GRIN2A: variants seen among roughly 807,000 people sequenced by gnomAD.
GRIN2A encodes the protein glutamate receptor ionotropic, NMDA 2A.
GRIN2A carries 22 observed loss-of-function variants against 113.4 expected under a neutral mutation model. The ratio of observed to expected loss-of-function variants is 0.19; its 90% confidence interval spans 0.14 to 0.28. The LOEUF (loss-of-function observed/expected upper bound fraction) is 0.28. GRIN2A is among the 10% of genes least tolerant of loss of function. GRIN2A has a pLI of 1.00. For missense variants in GRIN2A, 1,502 were observed against 1,887.0 expected (o/e 0.80, Z 3.78); for synonymous variants, 827 against 738.4 (o/e 1.12, Z -1.94).
chr16:10,155,086 C>T (rs756951134), intron 2 of GRIN2A, among the ~76,000 whole-genome samples: 1 of 152,144 alleles, frequency 6.6e-6, no homozygotes, highest in Non-Finnish European at 1.5e-5. Context: ...TACAGCATCT[C>T]TTAAATTTAT....
At chr16:10,104,200 A>T (rs1053084781) in intron 2 of GRIN2A, among the ~76,000 whole-genome samples, 3 of 152,252 alleles carry the variant, frequency 2.0e-5, no homozygotes, top group Non-Finnish European at 4.4e-5. Context: ...TATTCGACGT[A>T]TTCATTCTGT....
intron 2 of GRIN2A, among the ~76,000 whole-genome samples, chr16:10,113,816 G>A (rs1211253068): frequency 1.3e-5 from 2 of 152,134 alleles, no homozygotes; most frequent in Non-Finnish European, 2.9e-5. Context: ...CAGCGTTATT[G>A]AGTTGAAAAT....
intron 4 of GRIN2A, among the ~76,000 whole-genome samples, chr16:9,882,114 T>C (rs1200593047): frequency 6.6e-6 from 1 of 152,172 alleles, no homozygotes; most frequent in East Asian, 1.9e-4. Flanking sequence ...CTGCATGTTT[T>C]CTTGAGATCT....
chr16:10,141,911 G>C (rs919259590), intron 2 of GRIN2A, among the ~76,000 whole-genome samples: 1 of 152,216 alleles, frequency 6.6e-6, no homozygotes, highest in African/African-American at 2.4e-5. Flanking sequence ...CCAGCTGAGA[G>C]TGCTTTCCAC....
At chr16:9,842,811 C>T (rs1321833031) in intron 5 of GRIN2A, among the ~76,000 whole-genome samples, 1 of 151,986 alleles carries the variant, frequency 6.6e-6, no homozygotes. Context: ...GTGGCATGCA[C>T]CTGTAATCCC....
At chr16:10,091,296 T>G (rs142657698) in intron 2 of GRIN2A, among the ~76,000 whole-genome samples, 296 of 152,208 alleles carry the variant, frequency 1.9e-3, no homozygotes, top group Middle Eastern at 0.01. Flanking sequence ...ATAACCCAAA[T>G]ACCCATGAGC....
intron 2 of GRIN2A, among the ~76,000 whole-genome samples, chr16:10,170,093 A>T (rs1366076): frequency 0.23 from 34,283 of 152,194 alleles, 4,319 homozygotes; most frequent in East Asian, 0.48. Flanking sequence ...GCTGTAGTGA[A>T]TTTGAAAATG....
At chr16:10,075,874 A>G (rs1021110718) in intron 2 of GRIN2A, among the ~76,000 whole-genome samples, 1 of 152,192 alleles carries the variant, frequency 6.6e-6, no homozygotes, top group Non-Finnish European at 1.5e-5. Flanking sequence ...TTAAAAATTA[A>G]AAAATAAAAT....
At chr16:10,086,229 T>G (rs2048083009) in intron 2 of GRIN2A, among the ~76,000 whole-genome samples, 1 of 152,140 alleles carries the variant, frequency 6.6e-6, no homozygotes, top group Admixed American at 6.5e-5. Context: ...TTGTTGGTGG[T>G]CCCTATCCAG....
At chr16:10,072,032 C>T (rs957899572) in intron 2 of GRIN2A, among the ~76,000 whole-genome samples, 3 of 152,214 alleles carry the variant, frequency 2.0e-5, no homozygotes, top group Non-Finnish European at 2.9e-5. Flanking sequence ...AAAGATTCTT[C>T]ACCAGAATGA....
At chr16:9,938,767 G>A (rs905362808) in intron 2 of GRIN2A, among the ~76,000 whole-genome samples, 1 of 152,122 alleles carries the variant, frequency 6.6e-6, no homozygotes, top group African/African-American at 2.4e-5. Flanking sequence ...GTCCTGGAAG[G>A]ATGTCTGTAA....
chr16:9,891,105 A>G lies in GRIN2A; in HGVS notation c.1008-5T>C, dbSNP rs771782442. On this transcript the variant is annotated splice_region_variant and splice_polypyrimidine_tract_variant and intron_variant, in intron 3 of 12. Coordinates refer to ENST00000330684, the MANE Select transcript of GRIN2A (RefSeq NM_001134407.3). Reference sequence around the variant, plus strand: ...CATGTAACATTGACCATAAATCTAGAAAGGGGAAGAGAGAAAGACAAATTT... The same window carrying G: ...CATGTAACATTGACCATAAATCTAGGAAGGGGAAGAGAGAAAGACAAATTT... 4 of 1,570,790 alleles carry G rather than the reference A, an allele frequency of 2.5e-6. No homozygotes were observed. In the East Asian group the frequency reaches 8.9e-5, roughly 35 times the overall value.
At chr16:9,895,611 CA>C (rs978756396) in intron 3 of GRIN2A, among the ~76,000 whole-genome samples, 6 of 152,190 alleles carry the variant, frequency 3.9e-5, no homozygotes, top group Non-Finnish European at 7.3e-5. Context: ...AAGAAAGCAA[CA>C]GGTGGAATGA....
intron 2 of GRIN2A, among the ~76,000 whole-genome samples, chr16:10,014,059 C>T (rs940105190): frequency 3.3e-5 from 5 of 152,180 alleles, no homozygotes; most frequent in Non-Finnish European, 5.9e-5. Context: ...GCCTGTGTCC[C>T]CGTCTAGATT....
At chr16:9,830,609 C>A (rs561370392) in intron 8 of GRIN2A, among the ~76,000 whole-genome samples, 1 of 152,064 alleles carries the variant, frequency 6.6e-6, no homozygotes, top group Admixed American at 6.6e-5. Context: ...TCAGATGTCA[C>A]CTGCCAATAT....
chr16:10,146,210 C>T (rs993814517), intron 2 of GRIN2A, among the ~76,000 whole-genome samples: 3 of 152,088 alleles, frequency 2.0e-5, no homozygotes, highest in Non-Finnish European at 2.9e-5. Context: ...CTCCACCTCC[C>T]GGGTTCAAGC....
chr16:9,943,230 A>T (rs1360373607), intron 2 of GRIN2A: 1 of 152,132 alleles, frequency 6.6e-6, no homozygotes, highest in Non-Finnish European at 1.5e-5. Context: ...GCTGGGGGAG[A>T]GGAACAGATT....
intron 2 of GRIN2A, among the ~76,000 whole-genome samples, chr16:10,084,744 CTTTA>C (rs144403767): frequency 4.9e-4 from 72 of 147,130 alleles, no homozygotes; most frequent in African/African-American, 1.7e-3. Flanking sequence ...CCACCTGACA[CTTTA>C]TTTATTTATT....
chr16:10,018,377 G>A (rs1377330990), intron 2 of GRIN2A, among the ~76,000 whole-genome samples: 1 of 152,150 alleles, frequency 6.6e-6, no homozygotes, highest in Non-Finnish European at 1.5e-5. Flanking sequence ...GCTAGCACCA[G>A]AAGACACAAA....
Sources: allele counts gnomAD v4.1 joint callset (sites outside exome capture counted in the v4.1 genomes callset), GRCh38; gene constraint gnomAD v4.1.1; transcripts MANE v1.5; gene names NCBI Gene and HGNC (gene_info 2026-07-23, HGNC 2026-07-21).